Variants in TCEA3 observed in about 807,000 individuals in gnomAD.
The protein encoded by TCEA3 is transcription elongation factor A3.
In TCEA3, 36 loss-of-function variants were observed where a neutral mutation model predicts 44.0. The observed-to-expected ratio is 0.82, with a 90% CI of 0.63 to 1.08. TCEA3 has a LOEUF of 1.08. Among genes scored for constraint, TCEA3 ranks in the 50% least tolerant of loss-of-function variants. TCEA3 has a pLI of 0.00. For missense variants in TCEA3, 392 were observed against 441.2 expected (o/e 0.89, Z 1.00); for synonymous variants, 162 against 159.7 (o/e 1.01, Z -0.11).
At chr1:23,390,255 G>A (rs1638980467) in intron 8 of TCEA3, among the ~76,000 whole-genome samples, 1 of 152,168 alleles carries the variant, frequency 6.6e-6, no homozygotes, top group Non-Finnish European at 1.5e-5. Flanking sequence ...GATCACCTGA[G>A]GTCAGGAGTT....
chr1:23,404,091 T>C, intron 5 of TCEA3: 1 of 702,312 alleles, frequency 1.4e-6, no homozygotes. Flanking sequence ...TAGAGGCATC[T>C]GGAGGCCGGG....
chr1:23,423,694 G>C (rs1640130455), intron 1 of TCEA3, among the ~76,000 whole-genome samples: 1 of 152,220 alleles, frequency 6.6e-6, no homozygotes, highest in Non-Finnish European at 1.5e-5. Context: ...CCCTCCCAGG[G>C]TGAGCGCAGG....
chr1:23,411,435 A>G (rs1198424), intron 4 of TCEA3: 29,745 of 182,298 alleles, frequency 0.16, 4,051 homozygotes, highest in African/African-American at 0.38. Context: ...TGGGATTACA[A>G]GCATGAGTCA....
At chr1:23,401,928 T>C (rs1639408550) in intron 5 of TCEA3, among the ~76,000 whole-genome samples, 1 of 152,158 alleles carries the variant, frequency 6.6e-6, no homozygotes, top group South Asian at 2.1e-4. Flanking sequence ...CAGTTTCGTC[T>C]TGAAACCATC....
At chr1:23,384,468 G>T in intron 9 of TCEA3, 51 bp from the exon 10 acceptor site, 1 of 1,583,602 alleles carries the variant, frequency 6.3e-7, no homozygotes, top group South Asian at 1.2e-5. Context: ...TCTAGGACCT[G>T]CCATGGCTCC....
In TCEA3 at chr1:23,381,280, C is replaced by T. The variant is rs912235132; in HGVS notation, c.*186G>A. ...AGCATCATTCTCCAATTAGGCTCCC[C>T]CATTAACCAATTGTTTCTAATGACC... On this transcript the variant is annotated 3_prime_UTR_variant, in exon 11 of 11. Transcript: ENST00000450454. 4.9e-6 allele frequency: 3 copies of T among 612,174 alleles called. No individual in the cohort carries two copies. The highest frequency in any genetic ancestry group is 8.9e-6 in the Non-Finnish European group (3 of 336,974). 37.9% of individuals were successfully genotyped at this position (612,174 alleles called of 1,614,324 possible).
chr1:23,393,815 C>T, intron 8 of TCEA3, 64 bp downstream of exon 8: 1 of 1,565,792 alleles, frequency 6.4e-7, no homozygotes, highest in Non-Finnish European at 8.6e-7. Context: ...CACTGACCCT[C>T]TGCACTAGGC....
At chr1:23,423,987 C>G in intron 1 of TCEA3, 1 of 389,310 alleles carries the variant, frequency 2.6e-6, no homozygotes, top group Non-Finnish European at 5.0e-6. Context: ...CACCCCAAGG[C>G]CAAGGAAAGG....
At chr1:23,417,058 T>C (rs1371838855) in intron 4 of TCEA3, among the ~76,000 whole-genome samples, 191 bp downstream of exon 4, 3 of 152,242 alleles carry the variant, frequency 2.0e-5, no homozygotes, top group Admixed American at 2.0e-4. Context: ...GTGCCATTTA[T>C]GTCCTATTTG....
At chr1:23,423,748 G>C in intron 1 of TCEA3, 1 of 455,978 alleles carries the variant, frequency 2.2e-6, no homozygotes, top group Admixed American at 2.3e-5. Context: ...CAGGCGACCA[G>C]TCGGCCGCCA....
Position 23,406,291 on chromosome 1 carries a change from T to A in TCEA3, c.443+2373A>T, listed in dbSNP as rs72882977. On this transcript the variant is annotated intron_variant, in intron 5 of 10. Transcript: ENST00000450454. ...TTAAACAACCTAATTTTTGTGTCTC[T>A]AATTTTCTTTCCAATGGCAATCTTA... 7.4e-3 allele frequency among the ~76,000 whole-genome samples: 1,130 copies of A among 152,352 alleles called. 18 individuals carry two copies. Among genetic ancestry groups the A allele is most frequent in the African/African-American group, 0.026 (1,080 of 41,568 alleles).
chr1:23,409,702 C>G (rs916485667), intron 4 of TCEA3, among the ~76,000 whole-genome samples: 1 of 151,984 alleles, frequency 6.6e-6, no homozygotes, highest in African/African-American at 2.4e-5. Flanking sequence ...GCGTGTGCCA[C>G]CATGCCTAGC....
chr1:23,388,250 T>C (rs1638913920), intron 8 of TCEA3, among the ~76,000 whole-genome samples: 1 of 150,644 alleles, frequency 6.6e-6, no homozygotes, highest in Admixed American at 6.6e-5. Context: ...CAGGCTGAAG[T>C]GCAGTGGTGC....
At chr1:23,401,162 C>T (rs969016506) in intron 5 of TCEA3, among the ~76,000 whole-genome samples, 1 of 152,140 alleles carries the variant, frequency 6.6e-6, no homozygotes, top group African/African-American at 2.4e-5. Context: ...TTGGCCTGAC[C>T]TTGGATCTCC....
chr1:23,418,100 A>AGGAATGGCTG, intron 2 of TCEA3, 91 bp from the exon 3 acceptor site: 1 of 1,282,378 alleles, frequency 7.8e-7, no homozygotes, highest in Non-Finnish European at 1.1e-6. Context: ...CTCTACCACC[A>AGGAATGGCTG]CCTCCCCTTC....
At chr1:23,412,592 C>T (rs1417943385) in intron 4 of TCEA3, among the ~76,000 whole-genome samples, 2 of 151,900 alleles carry the variant, frequency 1.3e-5, no homozygotes, top group African/African-American at 4.8e-5. Flanking sequence ...CCTGTAATCC[C>T]AGCTACTCGG....
chr1:23,401,824 A>G (rs1639404414), intron 5 of TCEA3, among the ~76,000 whole-genome samples: 1 of 152,102 alleles, frequency 6.6e-6, no homozygotes, highest in African/African-American at 2.4e-5. Context: ...CGGGCCACAC[A>G]TCAGGAGGTG....
chr1:23,408,784 G>A (rs1639628319), intron 4 of TCEA3, 58 bp from the exon 5 acceptor site: 1 of 1,489,182 alleles, frequency 6.7e-7, no homozygotes, highest in Non-Finnish European at 9.2e-7. Flanking sequence ...GTACTGACAG[G>A]AAGGTGGGGA....
At chr1:23,382,439 GA>G (rs1243374472) in intron 10 of TCEA3, among the ~76,000 whole-genome samples, 2 of 152,168 alleles carry the variant, frequency 1.3e-5, no homozygotes, top group Non-Finnish European at 2.9e-5. Context: ...AAAATAGTAA[GA>G]ATAGTGGTTT....
Sources: allele counts gnomAD v4.1 joint callset (sites outside exome capture counted in the v4.1 genomes callset), GRCh38; gene constraint gnomAD v4.1.1; transcripts MANE v1.5; gene names NCBI Gene and HGNC (gene_info 2026-07-23, HGNC 2026-07-21).